The following WDR89 variants were observed in gnomAD, a reference collection of about 807,000 sequenced individuals.
WDR89 encodes the protein WD repeat domain 89.
In WDR89, 17 loss-of-function variants were observed where a neutral mutation model predicts 29.1. That is an observed-to-expected ratio of 0.58 (90% CI 0.40 to 0.88). WDR89 has a LOEUF of 0.88. Among genes scored for constraint, WDR89 ranks in the 40% least tolerant of loss-of-function variants. The probability of loss-of-function intolerance (pLI) is 0.00; values close to 1 mark genes in which losing one functional copy is unlikely to be tolerated. For missense variants in WDR89, 396 were observed against 456.3 expected, an observed-to-expected ratio of 0.87 and a Z score of 1.20; for synonymous variants, 138 against 157.8, an observed-to-expected ratio of 0.87 and a Z score of 0.94.
chr14:63,611,418 C>G (rs1881984673), intron 2 of WDR89, among the ~76,000 whole-genome samples: 1 of 146,356 alleles, frequency 6.8e-6, no homozygotes, highest in African/African-American at 2.5e-5. Context: ...TGGGGGAGAT[C>G]ATGATGATGT....
chr14:63,618,632 AATCT>A (rs1176767560), intron 2 of WDR89, among the ~76,000 whole-genome samples: 1 of 152,220 alleles, frequency 6.6e-6, no homozygotes, highest in Non-Finnish European at 1.5e-5. Context: ...TTGATCAATC[AATCT>A]AAGTCAAACA....
chr14:63,622,668 G>A (rs771981033), intron 2 of WDR89, among the ~76,000 whole-genome samples: 3 of 150,402 alleles, frequency 2.0e-5, no homozygotes, highest in Admixed American at 6.6e-5. Context: ...TCGGGAGGCT[G>A]AGGCACAAGA....
chr14:63,627,150 A>T (rs61984042), intron 1 of WDR89, among the ~76,000 whole-genome samples: 7,326 of 126,956 alleles, frequency 0.058, 374 homozygotes, highest in African/African-American at 0.14. Flanking sequence ...ACACACACAC[A>T]CTCTCTCTCT....
At chr14:63,623,703 CAAAAAAAAAAAAAAA>C (rs34839479) in intron 2 of WDR89, among the ~76,000 whole-genome samples, 1 of 39,068 alleles carries the variant, frequency 2.6e-5, no homozygotes, top group African/African-American at 8.0e-5. Flanking sequence ...GACTCTGTCT[CAAAAAAAAAAAAAAA>C]AAAAAAAAAA....
At chr14:63,601,628 A>T (rs1595014834) in intron 2 of WDR89, 2 of 1,613,408 alleles carry the variant, frequency 1.2e-6, no homozygotes, top group East Asian at 4.5e-5. Flanking sequence ...AAGGAAAAGT[A>T]TTGCAAGCAA....
At chr14:63,641,128 GAAAAAC>G (rs1884101016) in intron 1 of WDR89, among the ~76,000 whole-genome samples, 1 of 145,250 alleles carries the variant, frequency 6.9e-6, no homozygotes, top group South Asian at 2.2e-4. Context: ...AAAAGAAAAA[GAAAAAC>G]AAAAAAGAAA....
chr14:63,602,462 CAAAAAAAAAAAA>C (rs58161137), intron 2 of WDR89, among the ~76,000 whole-genome samples: 12 of 35,644 alleles, frequency 3.4e-4, no homozygotes, highest in Admixed American at 2.0e-3. Flanking sequence ...GATTCCTACT[CAAAAAAAAAAAA>C]AAAAAAAAAA....
chr14:63,636,171 A>G (rs1375499236), intron 1 of WDR89, among the ~76,000 whole-genome samples: 1 of 152,150 alleles, frequency 6.6e-6, no homozygotes, highest in African/African-American at 2.4e-5. Flanking sequence ...GCAAGGCTCT[A>G]TCTCAAAAAA....
intron 2 of WDR89, among the ~76,000 whole-genome samples, chr14:63,610,684 ATTCTTTTCTT>A (rs1260659307): frequency 3.4e-5 from 5 of 148,582 alleles, no homozygotes; most frequent in Admixed American, 6.7e-5. Context: ...TTTGAGGAAT[ATTCTTTTCTT>A]TTCTTTTCTT....
chr14:63,630,941 A>G (rs1566800358), intron 1 of WDR89, among the ~76,000 whole-genome samples: 3 of 152,122 alleles, frequency 2.0e-5, no homozygotes, highest in African/African-American at 7.2e-5. Flanking sequence ...TGCCCCAGCT[A>G]ATTTTTTAAT....
chr14:63,633,157 A>C (rs111255599), intron 1 of WDR89, among the ~76,000 whole-genome samples: 1,828 of 152,192 alleles, frequency 0.012, 51 homozygotes, highest in African/African-American at 0.042. Flanking sequence ...AAGAAATGCA[A>C]TATGTAATGT....
chr14:63,619,454 C>A (rs1351620945), intron 2 of WDR89, among the ~76,000 whole-genome samples: 1 of 151,936 alleles, frequency 6.6e-6, no homozygotes, highest in African/African-American at 2.4e-5. Context: ...GAAATACCAA[C>A]AAGTTATCAA....
chr14:63,603,387 C>T (rs1023797719), intron 2 of WDR89, among the ~76,000 whole-genome samples: 6 of 152,190 alleles, frequency 3.9e-5, no homozygotes, highest in Non-Finnish European at 8.8e-5. Context: ...CTCCAACCTT[C>T]TGTTTTTCAT....
chr14:63,630,150 G>A (rs1039741932), intron 1 of WDR89, among the ~76,000 whole-genome samples: 5 of 151,854 alleles, frequency 3.3e-5, no homozygotes, highest in African/African-American at 1.2e-4. Context: ...GTTTCCCCAT[G>A]TTGGCCAGGC....
At chr14:63,605,211 T>TACAC (rs200461481) in intron 2 of WDR89, among the ~76,000 whole-genome samples, 5,119 of 102,466 alleles carry the variant, frequency 0.05, 208 homozygotes, top group African/African-American at 0.11. Context: ...TACATACACA[T>TACAC]ACACACACAC....
At chr14:63,606,337 G>A (rs1299492603) in intron 2 of WDR89, among the ~76,000 whole-genome samples, 1 of 152,130 alleles carries the variant, frequency 6.6e-6, no homozygotes, top group Non-Finnish European at 1.5e-5. Flanking sequence ...TATGGAATAA[G>A]GATATATGAA....
chr14:63,600,369 G>A (rs1036493570), intron 2 of WDR89, among the ~76,000 whole-genome samples: 2 of 151,788 alleles, frequency 1.3e-5, no homozygotes, highest in East Asian at 3.9e-4. Flanking sequence ...GGTGGCCTAT[G>A]CCTGTAGTCC....
chr14:63,603,446 G>C (rs956706536), intron 2 of WDR89, among the ~76,000 whole-genome samples: 3 of 152,164 alleles, frequency 2.0e-5, no homozygotes, highest in Non-Finnish European at 2.9e-5. Flanking sequence ...TTCATCCAAA[G>C]AGTTCAGGAT....
At chr14:63,641,097 CAAAAAAAAA>C (rs57478091) in intron 1 of WDR89, among the ~76,000 whole-genome samples, 1 of 64,174 alleles carries the variant, frequency 1.6e-5, no homozygotes, top group Non-Finnish European at 3.5e-5. Flanking sequence ...GACTCCATCT[CAAAAAAAAA>C]AAAAAAAAAG....
Sources: allele counts gnomAD v4.1 joint callset (sites outside exome capture counted in the v4.1 genomes callset), GRCh38; gene constraint gnomAD v4.1.1; transcripts MANE v1.5; gene names NCBI Gene and HGNC (gene_info 2026-07-23, HGNC 2026-07-21).